Variants in DPH6 observed in about 807,000 individuals in gnomAD.
The protein encoded by DPH6 is diphthamine biosynthesis 6, also known as diphthine--ammonia ligase.
DPH6 carries 33 observed loss-of-function variants against 38.2 expected under a neutral mutation model. The observed-to-expected ratio is 0.86, with a 90% CI of 0.65 to 1.15. The LOEUF (loss-of-function observed/expected upper bound fraction) is 1.15, where lower values mean the gene tolerates loss of function less well. Ranked by LOEUF, DPH6 falls within the 50% of genes most tolerant of loss-of-function variation. The pLI is 0.00. For missense variants in DPH6, 325 were observed against 320.0 expected (o/e 1.02, Z -0.12); for synonymous variants, 108 against 103.0 (o/e 1.05, Z -0.30).
intron 1 of DPH6, among the ~76,000 whole-genome samples, chr15:35,544,976 C>A (rs955176304): frequency 6.6e-6 from 1 of 152,134 alleles, no homozygotes; most frequent in Non-Finnish European, 1.5e-5. Flanking sequence ...TACTGAACAA[C>A]AATAATTATT....
chr15:35,257,293 G>A (rs901943328), intron 3 of DPH6, among the ~76,000 whole-genome samples: 2 of 152,156 alleles, frequency 1.3e-5, no homozygotes, highest in African/African-American at 2.4e-5. Flanking sequence ...TGTTCTCAGG[G>A]AGGGTAAAAA....
intron 3 of DPH6, among the ~76,000 whole-genome samples, chr15:35,246,064 C>A (rs2051635882): frequency 6.6e-6 from 1 of 152,182 alleles, no homozygotes; most frequent in Admixed American, 6.5e-5. Flanking sequence ...GTGACCCCTG[C>A]CCCTGCCAGC....
intron 3 of DPH6, among the ~76,000 whole-genome samples, chr15:35,318,776 A>T (rs1320138553): frequency 2.0e-5 from 3 of 152,266 alleles, no homozygotes; most frequent in Non-Finnish European, 4.4e-5. Context: ...TGTAAAATAA[A>T]TTTTTTATTT....
chr15:35,180,127 G>A, the DPH6 span, among the ~76,000 whole-genome samples: 1 of 151,896 alleles, frequency 6.6e-6, no homozygotes, highest in Non-Finnish European at 1.5e-5. Context: ...GAAGGTGACT[G>A]TCATTTCTCT....
At chr15:35,233,671 T>C (rs915439597) in intron 3 of DPH6, among the ~76,000 whole-genome samples, 3 of 152,172 alleles carry the variant, frequency 2.0e-5, no homozygotes, top group African/African-American at 7.2e-5. Context: ...ACTTCCCTTA[T>C]AGACAAGCAC....
At chr15:35,295,211 G>C (rs2052006908) in intron 3 of DPH6, among the ~76,000 whole-genome samples, 1 of 152,112 alleles carries the variant, frequency 6.6e-6, no homozygotes, top group East Asian at 1.9e-4. Context: ...AGCCTCCCAA[G>C]TCATTTTCAT....
At chr15:35,494,393 A>G (rs571884322) in intron 3 of DPH6, among the ~76,000 whole-genome samples, 2 of 152,266 alleles carry the variant, frequency 1.3e-5, no homozygotes, top group African/African-American at 2.4e-5. Context: ...AAGTATCTAG[A>G]GGAGTCATTT....
At chr15:35,299,450 G>C (rs938391417) in intron 3 of DPH6, 2 of 777,334 alleles carry the variant, frequency 2.6e-6, no homozygotes, top group Admixed American at 1.7e-5. Context: ...TCTTTTCTTC[G>C]GTTTAATGCC....
At chr15:35,352,484 T>C (rs945780091) in intron 3 of DPH6, among the ~76,000 whole-genome samples, 2 of 152,054 alleles carry the variant, frequency 1.3e-5, no homozygotes, top group African/African-American at 4.8e-5. Context: ...CCTGTGTCCA[T>C]GTGTTCTCTT....
At chr15:35,412,674 A>G (rs1048734702) in intron 5 of DPH6, among the ~76,000 whole-genome samples, 1 of 151,786 alleles carries the variant, frequency 6.6e-6, no homozygotes. Context: ...CAAGCCATGA[A>G]AATACATGGA....
At chr15:35,518,536 T>C (rs1055250716) in intron 3 of DPH6, among the ~76,000 whole-genome samples, 13 of 152,038 alleles carry the variant, frequency 8.6e-5, no homozygotes, top group Non-Finnish European at 1.8e-4. Context: ...CATTGCTAAA[T>C]ACTGGTTTGT....
At chr15:35,490,306 A>G (rs2054459586) in intron 3 of DPH6, 3 of 409,466 alleles carry the variant, frequency 7.3e-6, no homozygotes, top group Non-Finnish European at 9.9e-6. Context: ...GAATGTGAGT[A>G]ACTAATACAT....
At chr15:35,220,236 G>A (rs945200651) in exon 4 of DPH6, 9 of 151,842 alleles carry the variant, frequency 5.9e-5, no homozygotes, top group East Asian at 3.9e-4. Flanking sequence ...GCAGTTTTAC[G>A]TTTACAGAAA....
intron 5 of DPH6, among the ~76,000 whole-genome samples, chr15:35,413,057 A>G (rs1319072315): frequency 6.6e-6 from 1 of 151,590 alleles, no homozygotes; most frequent in East Asian, 1.9e-4. Flanking sequence ...GGAGGTTGAT[A>G]ATGGGGGAGG....
At chr15:35,221,859 A>C (rs1030845632) in intron 3 of DPH6, among the ~76,000 whole-genome samples, 1 of 151,976 alleles carries the variant, frequency 6.6e-6, no homozygotes, top group Non-Finnish European at 1.5e-5. Context: ...CTTTTCTGAC[A>C]TTTTACTATG....
chr15:35,363,788 T>A (rs2140909980), intron 3 of DPH6, among the ~76,000 whole-genome samples: 1 of 152,094 alleles, frequency 6.6e-6, no homozygotes, highest in East Asian at 1.9e-4. Flanking sequence ...TATATTATAC[T>A]CATTTATATT....
intron 3 of DPH6, chr15:35,489,528 C>G (rs2054448715): frequency 1.0e-6 from 1 of 983,306 alleles, no homozygotes; most frequent in Non-Finnish European, 1.2e-6. Flanking sequence ...TTTTCATAAT[C>G]TTTTGCAGGG....
chr15:35,327,337 T>C (rs1245937211), downstream of DPH6, among the ~76,000 whole-genome samples: 1 of 117,892 alleles, frequency 8.5e-6, no homozygotes, highest in African/African-American at 4.8e-5. Context: ...AAAAGGTTCC[T>C]TTTTTTTTTT....
intron 3 of DPH6, among the ~76,000 whole-genome samples, chr15:35,518,037 T>A (rs1242121459): frequency 1.3e-5 from 2 of 152,228 alleles, no homozygotes; most frequent in East Asian, 3.9e-4. Flanking sequence ...CTTCATAAAG[T>A]TGCACTTTTA....
Sources: allele counts gnomAD v4.1 joint callset (sites outside exome capture counted in the v4.1 genomes callset), GRCh38; gene constraint gnomAD v4.1.1; transcripts MANE v1.5; gene names NCBI Gene and HGNC (gene_info 2026-07-23, HGNC 2026-07-21).